NTNG1: variants seen among roughly 807,000 people sequenced by gnomAD.
The protein encoded by NTNG1 is netrin-G1.
NTNG1 carries 16 observed loss-of-function variants against 54.0 expected under a neutral mutation model. The ratio of observed to expected loss-of-function variants is 0.30; its 90% CI spans 0.20 to 0.45. The LOEUF is 0.45. Ranked by LOEUF, NTNG1 falls within the 20% of genes least tolerant of loss-of-function variation. The pLI is 1.00. For synonymous variants in NTNG1, 255 were observed against 263.1 expected (o/e 0.97, Z 0.30); for missense variants, 530 against 678.7 (o/e 0.78, Z 2.43).
chr1:107,150,307 T>C (rs1246380768), intron 2 of NTNG1, among the ~76,000 whole-genome samples: 4 of 152,158 alleles, frequency 2.6e-5, no homozygotes, highest in African/African-American at 9.6e-5. Context: ...AGCAAAATCA[T>C]AATAAATCAG....
chr1:107,158,269 T>A (rs570170355), intron 2 of NTNG1, among the ~76,000 whole-genome samples: 1 of 152,292 alleles, frequency 6.6e-6, no homozygotes, highest in Admixed American at 6.5e-5. Flanking sequence ...GGGAAAATGA[T>A]GAAATTTGTT....
chr1:107,395,012 G>A (rs1672591155), intron 3 of NTNG1, 142 bp from the exon 4 acceptor site: 1 of 692,186 alleles, frequency 1.4e-6, no homozygotes, highest in Non-Finnish European at 2.5e-6. Context: ...TCTGAGGGCT[G>A]GGCCTGCAAA....
In NTNG1 at chr1:107,419,567, T is replaced by C. The variant is rs115255173; in HGVS notation, c.1088-11183T>C. Among the ~76,000 whole-genome samples the C allele has an allele frequency of 6.5e-3, 991 of 151,776 alleles. 10 individuals carry two copies. The highest frequency in any genetic ancestry group is 0.023 in the African/African-American group (947 of 41,428). Reference sequence around the variant, plus strand: ...TAGCCTATAGATATATATAGTCATGTATAAATAGGAATTTATTTTAATATA... The same window carrying C: ...TAGCCTATAGATATATATAGTCATGCATAAATAGGAATTTATTTTAATATA... On this transcript the variant is annotated intron_variant, in intron 5 of 7. Transcript: ENST00000370068.
In NTNG1 at chr1:107,376,420, A is replaced by AAAC. The variant is rs796714719; in HGVS notation, c.888-18732_888-18731insCAA. 4.6e-4 allele frequency among the ~76,000 whole-genome samples: 69 copies of AAAC among 151,090 alleles called. 1 individual carries two copies. Among genetic ancestry groups the AAAC allele is most frequent in the Middle Eastern group, 3.4e-3 (1 of 292 alleles). On this transcript the variant is annotated intron_variant, in intron 3 of 7. Transcript: ENST00000370068. ...GAGACTCCGTCTCAAAACAAAACAA[A>AAAC]AAAAAAAACAAAAAAAAAAAATTTG... is the stretch of plus-strand genomic sequence containing the variant.
Position 107,407,966 on chromosome 1 carries a change from A to G in NTNG1, c.1087+258A>G, listed in dbSNP as rs188779715. 1.5e-4 allele frequency: 102 copies of G among 681,758 alleles called. No homozygotes were observed. In the East Asian group the frequency reaches 2.9e-3, roughly 20 times the overall value. 42.2% of individuals were successfully genotyped at this position (681,758 alleles called of 1,614,324 possible). A position where few individuals can be genotyped will look rare whatever the true frequency, so the allele number is the denominator to read the frequency against. ...CTCTTAACCAGTGAGGGCTACCTAG[A>G]CTCAGGTGCAATTCCTTAGATAATC... On this transcript the variant is annotated intron_variant, in intron 5 of 7. Transcript: ENST00000370068.
At chr1:107,363,896 T>C (rs1213488216) in intron 3 of NTNG1, among the ~76,000 whole-genome samples, 2 of 152,348 alleles carry the variant, frequency 1.3e-5, no homozygotes, top group East Asian at 1.9e-4. Flanking sequence ...TGTTCACTAT[T>C]GTTTTGATCA....
At chr1:107,186,686 G>C (rs756564379) in intron 2 of NTNG1, among the ~76,000 whole-genome samples, 1 of 152,140 alleles carries the variant, frequency 6.6e-6, no homozygotes, top group Non-Finnish European at 1.5e-5. Flanking sequence ...CTTTGCGCTT[G>C]TGTTTTCTTC....
At chr1:107,407,975 C>T in intron 5 of NTNG1, 2 of 666,498 alleles carry the variant, frequency 3.0e-6, no homozygotes, top group South Asian at 1.4e-5. Flanking sequence ...GACTCAGGTG[C>T]AATTCCTTAG....
chr1:107,450,142 A>T (rs1341125731), intron 7 of NTNG1, among the ~76,000 whole-genome samples: 1 of 152,126 alleles, frequency 6.6e-6, no homozygotes, highest in East Asian at 1.9e-4. Context: ...AAGTCTTGGG[A>T]TAAAGAAGCA....
intron 3 of NTNG1, among the ~76,000 whole-genome samples, chr1:107,349,546 A>G (rs930171778): frequency 6.6e-6 from 1 of 152,166 alleles, no homozygotes; most frequent in African/African-American, 2.4e-5. Context: ...CTCCCAAGTG[A>G]CAATACCATG....
chr1:107,232,961 A>G (rs1661170523), intron 2 of NTNG1, among the ~76,000 whole-genome samples: 1 of 152,198 alleles, frequency 6.6e-6, no homozygotes. Flanking sequence ...ATCTCATCAG[A>G]ATATGCTTTT....
intron 2 of NTNG1, among the ~76,000 whole-genome samples, chr1:107,250,624 G>A (rs1202337895): frequency 1.3e-5 from 2 of 152,092 alleles, no homozygotes; most frequent in Admixed American, 1.3e-4. Flanking sequence ...AAGGGAAGAA[G>A]AGAGAGGGAG....
At chr1:107,376,926 G>A (rs1671315137) in intron 3 of NTNG1, among the ~76,000 whole-genome samples, 1 of 152,006 alleles carries the variant, frequency 6.6e-6, no homozygotes, top group African/African-American at 2.4e-5. Flanking sequence ...GAAGATCACT[G>A]CCTCTGCCTA....
intron 5 of NTNG1, among the ~76,000 whole-genome samples, chr1:107,417,394 C>T (rs974038650): frequency 2.0e-5 from 3 of 151,984 alleles, no homozygotes; most frequent in East Asian, 1.9e-4. Context: ...TGGAAGAATG[C>T]GCTATAATCT....
At chr1:107,326,090 C>A (rs1433167617) in intron 3 of NTNG1, among the ~76,000 whole-genome samples, 2 of 151,956 alleles carry the variant, frequency 1.3e-5, no homozygotes, top group African/African-American at 4.8e-5. Flanking sequence ...AAGGTAAAGA[C>A]CATAGTGGGA....
intron 6 of NTNG1, among the ~76,000 whole-genome samples, chr1:107,435,048 CTTA>C (rs562885602): frequency 5.3e-5 from 8 of 151,958 alleles, no homozygotes; most frequent in Middle Eastern, 3.4e-3. Context: ...CCTCTAAAAT[CTTA>C]TATTAATTAA....
At chr1:107,376,807 G>GCCCCCCCA (rs1671297457) in intron 3 of NTNG1, among the ~76,000 whole-genome samples, 1 of 151,904 alleles carries the variant, frequency 6.6e-6, no homozygotes, top group African/African-American at 2.4e-5. Context: ...TTCTTTTGCT[G>GCCCCCCCA]CCCCCCCAGC....
Position 107,483,884 on chromosome 1 carries a change from T to A in NTNG1, c.*3044T>A, listed in dbSNP as rs1678877251. 6.6e-6 allele frequency among the ~76,000 whole-genome samples: 1 copy of A among 152,182 alleles called. No homozygotes were observed. Among genetic ancestry groups the A allele is most frequent in the African/African-American group, 2.4e-5 (1 of 41,438 alleles). On this transcript the variant is annotated 3_prime_UTR_variant, in exon 8 of 8. Coordinates refer to ENST00000370068, the MANE Select transcript of NTNG1 (RefSeq NM_001113226.3). Reference sequence around the variant, plus strand: ...GGAAGATAATGGACATGCCCTGCTGTGATTTGAGGGTTATTTATTTCTGAC... The same window carrying A: ...GGAAGATAATGGACATGCCCTGCTGAGATTTGAGGGTTATTTATTTCTGAC...
At chr1:107,443,758 AC>A (rs2101437202) in intron 7 of NTNG1, among the ~76,000 whole-genome samples, 1 of 152,258 alleles carries the variant, frequency 6.6e-6, no homozygotes, top group African/African-American at 2.4e-5. Flanking sequence ...CTCTATCACT[AC>A]AAGTTGGTCT....
Sources: allele counts gnomAD v4.1 joint callset (sites outside exome capture counted in the v4.1 genomes callset), GRCh38; gene constraint gnomAD v4.1.1; transcripts MANE v1.5; gene names NCBI Gene and HGNC (gene_info 2026-07-23, HGNC 2026-07-21).